COL10A1: variants seen among roughly 807,000 people sequenced by gnomAD.
COL10A1 encodes collagen type X alpha 1 chain.
COL10A1 carries 10 observed loss-of-function variants against 18.2 expected under a neutral mutation model. That is an observed-to-expected ratio of 0.55 (90% CI 0.34 to 0.93). The LOEUF (loss-of-function observed/expected upper bound fraction) is 0.93. Among genes scored for constraint, COL10A1 ranks in the 40% least tolerant of loss-of-function variants. COL10A1 has a pLI of 0.02. For synonymous variants in COL10A1, 330 were observed against 316.6 expected, an observed-to-expected ratio of 1.04 and a Z score of -0.45; for missense variants, 897 against 853.5, an observed-to-expected ratio of 1.05 and a Z score of -0.64.
chr6:116,144,479 G>A (rs1419941499), intron 1 of COL10A1, among the ~76,000 whole-genome samples: 2 of 150,526 alleles, frequency 1.3e-5, no homozygotes, highest in Non-Finnish European at 2.9e-5. Flanking sequence ...CCAGCCTGAT[G>A]ACAGAGCGAG....
At chr6:116,149,836 G>T (rs2114392833) in intron 1 of COL10A1, among the ~76,000 whole-genome samples, 1 of 152,308 alleles carries the variant, frequency 6.6e-6, no homozygotes, top group South Asian at 2.1e-4. Context: ...TTCTTTAGAG[G>T]TGAGGAAATT....
At chr6:116,202,331 CT>C in the COL10A1 span, among the ~76,000 whole-genome samples, 2 of 151,988 alleles carry the variant, frequency 1.3e-5, no homozygotes, top group East Asian at 3.9e-4. Flanking sequence ...AACAAAGTTC[CT>C]TCTCAATTTT....
chr6:116,214,703 A>ATATT, the COL10A1 span, among the ~76,000 whole-genome samples: 1 of 152,118 alleles, frequency 6.6e-6, no homozygotes, highest in Non-Finnish European at 1.5e-5. Context: ...TTTTTGAAAT[A>ATATT]TCATATTCAA....
At chr6:116,129,212 A>G (rs753942660), upstream of COL10A1, among the ~76,000 whole-genome samples, 15 of 152,204 alleles carry the variant, frequency 9.9e-5, no homozygotes, top group Non-Finnish European at 2.2e-4. Context: ...ACATATATAG[A>G]CATGTATATA....
chr6:116,148,830 G>C (rs1468076770), intron 1 of COL10A1, among the ~76,000 whole-genome samples: 1 of 152,076 alleles, frequency 6.6e-6, no homozygotes, highest in African/African-American at 2.4e-5. Flanking sequence ...ATTTCTATAA[G>C]TCAAAAGTAA....
the COL10A1 span, among the ~76,000 whole-genome samples, chr6:116,173,204 G>A: frequency 4.9e-4 from 74 of 152,220 alleles, 2 homozygotes; most frequent in East Asian, 0.014. Context: ...CATCTAAAGT[G>A]TAAACTATAA....
chr6:116,183,281 A>G, the COL10A1 span, among the ~76,000 whole-genome samples: 1 of 151,900 alleles, frequency 6.6e-6, no homozygotes, highest in South Asian at 2.1e-4. Context: ...TTATGGCCTT[A>G]TAGTATAGTT....
the COL10A1 span, among the ~76,000 whole-genome samples, chr6:116,194,418 G>A: frequency 6.6e-6 from 1 of 152,052 alleles, no homozygotes; most frequent in African/African-American, 2.4e-5. Flanking sequence ...TGACAATTTC[G>A]GGAAAAAAAT....
upstream of COL10A1, among the ~76,000 whole-genome samples, chr6:116,129,415 T>C (rs1294079091): frequency 6.6e-6 from 1 of 152,214 alleles, no homozygotes; most frequent in East Asian, 1.9e-4. Flanking sequence ...TTTTGGCAAG[T>C]GGGATCTTTA....
the COL10A1 span, among the ~76,000 whole-genome samples, chr6:116,211,848 G>A: frequency 6.6e-6 from 1 of 151,960 alleles, no homozygotes; most frequent in South Asian, 2.1e-4. Flanking sequence ...CTAGCCTCAG[G>A]AATCTAATTA....
At chr6:116,191,418 CGGG>C in the COL10A1 span, among the ~76,000 whole-genome samples, 1 of 151,896 alleles carries the variant, frequency 6.6e-6, no homozygotes, top group African/African-American at 2.4e-5. Flanking sequence ...AGGAGATTCA[CGGG>C]AAAGAAGAGG....
the COL10A1 span, among the ~76,000 whole-genome samples, chr6:116,194,678 G>GGCTTATGAACTAAGAACT: frequency 1.3e-5 from 2 of 151,960 alleles, no homozygotes; most frequent in East Asian, 3.9e-4. Flanking sequence ...TGTTGTTTAT[G>GGCTTATGAACTAAGAACT]GCTTATGAAC....
chr6:116,205,704 A>T, the COL10A1 span, among the ~76,000 whole-genome samples: 1 of 152,020 alleles, frequency 6.6e-6, no homozygotes, highest in African/African-American at 2.4e-5. Context: ...AAAAGGGTAC[A>T]TTTTAAATTT....
the COL10A1 span, among the ~76,000 whole-genome samples, chr6:116,167,917 GTC>G: frequency 6.6e-6 from 1 of 151,984 alleles, no homozygotes; most frequent in Non-Finnish European, 1.5e-5. Flanking sequence ...TTTAATGGAG[GTC>G]TAGGTTAATG....
At chr6:116,209,639 G>A in the COL10A1 span, among the ~76,000 whole-genome samples, 3 of 151,872 alleles carry the variant, frequency 2.0e-5, no homozygotes, top group Non-Finnish European at 2.9e-5. Context: ...GGAAGGCAGA[G>A]TATTCCAGGA....
the COL10A1 span, among the ~76,000 whole-genome samples, chr6:116,175,949 G>T: frequency 6.6e-6 from 1 of 152,056 alleles, no homozygotes; most frequent in Non-Finnish European, 1.5e-5. Flanking sequence ...GGTTGTTTGG[G>T]GGCTTCTTGT....
intron 1 of COL10A1, among the ~76,000 whole-genome samples, chr6:116,157,994 C>T (rs1049623968): frequency 6.6e-6 from 1 of 152,194 alleles, no homozygotes; most frequent in African/African-American, 2.4e-5. Context: ...CTTCCCTTTC[C>T]AGTTTTTTCC....
chr6:116,170,999 G>T, the COL10A1 span, among the ~76,000 whole-genome samples: 1 of 151,940 alleles, frequency 6.6e-6, no homozygotes, highest in Non-Finnish European at 1.5e-5. Flanking sequence ...TATTTAGCCT[G>T]TTACCACCCT....
the COL10A1 span, among the ~76,000 whole-genome samples, chr6:116,213,678 T>G: frequency 8.2e-6 from 1 of 122,626 alleles, no homozygotes; most frequent in African/African-American, 3.1e-5. Flanking sequence ...GTAGATCACA[T>G]GTAGGAGAAC....
Sources: allele counts gnomAD v4.1 joint callset (sites outside exome capture counted in the v4.1 genomes callset), GRCh38; gene constraint gnomAD v4.1.1; transcripts MANE v1.5; gene names NCBI Gene and HGNC (gene_info 2026-07-23, HGNC 2026-07-21).